Variants in ACAD9 observed in about 807,000 individuals in gnomAD.
ACAD9 encodes the protein complex I assembly factor ACAD9, mitochondrial.
Under a neutral mutation model 70.2 loss-of-function variants are expected in ACAD9, and 53 were observed. That is an observed-to-expected ratio of 0.75 (90% CI 0.61 to 0.95). The LOEUF (loss-of-function observed/expected upper bound fraction) is 0.95, where lower values mean the gene tolerates loss of function less well. Among genes scored for constraint, ACAD9 ranks in the 40% least tolerant of loss-of-function variants. ACAD9 has a pLI of 0.00. For missense variants in ACAD9, 777 were observed against 802.8 expected (o/e 0.97, Z 0.39); for synonymous variants, 313 against 312.1 (o/e 1.00, Z -0.03).
chr3:128,901,768 T>A (rs557498392), intron 8 of ACAD9, among the ~76,000 whole-genome samples: 1 of 152,358 alleles, frequency 6.6e-6, no homozygotes, highest in East Asian at 1.9e-4. Context: ...TTTTAAAATA[T>A]TATTTCAGTG....
Position 128,879,658 on chromosome 3 carries a change from A to G in ACAD9, c.-34A>G. On this transcript the variant is annotated 5_prime_UTR_variant, in exon 1 of 18. Transcript: ENST00000308982. Reference sequence around the variant, plus strand: ...GTGTCCCTGCGGCGCTAAGAAGGGGAGACTGAGGCTGAGGCTGGGGAACAT... The same window carrying G: ...GTGTCCCTGCGGCGCTAAGAAGGGGGGACTGAGGCTGAGGCTGGGGAACAT... 6.2e-7 allele frequency: 1 copy of G among 1,609,758 alleles called. No homozygotes were observed. Among genetic ancestry groups the G allele is most frequent in the Non-Finnish European group, 8.5e-7 (1 of 1,178,778 alleles).
At chr3:128,910,957 TG>T (rs1490453470) in intron 17 of ACAD9, 144 bp downstream of exon 17, 1 of 982,014 alleles carries the variant, frequency 1.0e-6, no homozygotes, top group African/African-American at 1.6e-5. Context: ...TGGGTAGGCC[TG>T]GGCTTAGCTG....
At chr3:128,888,480 G>A (rs1162159204) in intron 2 of ACAD9, among the ~76,000 whole-genome samples, 3 of 152,100 alleles carry the variant, frequency 2.0e-5, no homozygotes, top group African/African-American at 7.2e-5. Context: ...TGGGGAGGCC[G>A]AGGCAGGAGA....
intron 2 of ACAD9, among the ~76,000 whole-genome samples, chr3:128,890,880 C>T (rs1935401543): frequency 1.4e-5 from 2 of 146,492 alleles, no homozygotes; most frequent in East Asian, 2.0e-4. Flanking sequence ...CTCACTGTGT[C>T]ACCCAGGCTG....
chr3:128,891,475 G>A (rs1935419584), intron 2 of ACAD9, among the ~76,000 whole-genome samples: 1 of 152,186 alleles, frequency 6.6e-6, no homozygotes. Flanking sequence ...ACAAAAATTA[G>A]CCAGATATGG....
In ACAD9 at chr3:128,912,711, G is replaced by A; in HGVS notation, c.*104G>A. The stretch of plus-strand genomic sequence containing the variant: ...AGGTGTTGGGATTATCACAGGTTAA[G>A]CCTTTTGTTCCCCGTCTGCACCTGA... On this transcript the variant is annotated 3_prime_UTR_variant, in exon 18 of 18. Coordinates refer to ENST00000308982, the MANE Select transcript of ACAD9 (RefSeq NM_014049.5). 1 of 1,114,602 alleles carries A rather than the reference G, an allele frequency of 9.0e-7. No individual in the cohort carries two copies. Among genetic ancestry groups the A allele is most frequent in the Non-Finnish European group, 1.4e-6 (1 of 732,244 alleles). The allele number at this position is 1,114,602 out of a possible 1,614,324, so 69.0% of individuals were successfully genotyped here. A position where few individuals can be genotyped will look rare whatever the true frequency, so the allele number is the denominator to read the frequency against.
At position 128,884,640 on chromosome 3, in the gene ACAD9, T is replaced by C. The variant is rs1352832505; in HGVS notation, c.151-13T>C. The C allele has an allele frequency of 1.3e-6, 2 of 1,584,276 alleles. No individual in the cohort carries two copies. Among genetic ancestry groups the C allele is most frequent in the Non-Finnish European group, 1.7e-6 (2 of 1,156,418 alleles). ...AAAAATTAAATTTTTTAGAAAATAT[T>C]TACTATTTTTAGAAAGAAGTTTTCC... On this transcript the variant is annotated splice_polypyrimidine_tract_variant and intron_variant, in intron 1 of 17. Transcript: ENST00000308982.
In ACAD9 at chr3:128,908,987, C is replaced by T. The variant is rs780122392; in HGVS notation, c.1373C>T (p.Ala458Val). ...ACTTTCTGCAGTGAGCTTAAACAGGCCAAAGTGAGCACAGTCATGGATACC... is the reference window on the plus strand; with the variant it reads ...ACTTTCTGCAGTGAGCTTAAACAGGTCAAAGTGAGCACAGTCATGGATACC... Reference protein sequence around the residue: ...LTTRIHELKQAKVSTVMDTVG... With the variant: ...LTTRIHELKQVKVSTVMDTVG... Residue 458 changes from alanine (A) to valine (V), a missense_variant, in exon 14 of 18, where the codon GCC becomes GTC. Physicochemically the swap from Ala to Val is moderately conservative, Grantham distance 64 (BLOSUM62 0). Transcript: ENST00000308982. 6 of 1,614,126 alleles carry T rather than the reference C, an allele frequency of 3.7e-6. No individual in the cohort carries two copies. In the East Asian group the frequency reaches 6.7e-5, roughly 18 times the overall value.
intron 2 of ACAD9, among the ~76,000 whole-genome samples, chr3:128,890,975 G>A (rs1419116686): frequency 6.6e-6 from 1 of 151,488 alleles, no homozygotes; most frequent in Non-Finnish European, 1.5e-5. Context: ...CTGAGTAGCT[G>A]GGACTATAGG....
At chr3:128,899,226 A>G in intron 6 of ACAD9, 61 bp from the exon 7 acceptor site, 1 of 1,570,998 alleles carries the variant, frequency 6.4e-7, no homozygotes, top group Non-Finnish European at 8.8e-7. Flanking sequence ...GGACAAAGAC[A>G]GAGCTGAGGT....
intron 1 of ACAD9, among the ~76,000 whole-genome samples, 178 bp from the exon 2 acceptor site, chr3:128,884,475 C>T (rs1935187272): frequency 6.6e-6 from 1 of 152,170 alleles, no homozygotes; most frequent in African/African-American, 2.4e-5. Context: ...GTGGAGCCTG[C>T]ACATAGTTTC....
rs369787602 is a variant in ACAD9 at position 128,909,354 on chromosome 3, A to G, written c.1496A>G (p.Asn499Ser). The change falls in exon 15 of 18, where the codon AAC becomes AGC. Residue 499 changes from asparagine (N) to serine (S), a missense_variant. Asn to Ser is a conservative substitution (Grantham distance 46). Transcript: ENST00000308982. ...TGTCTTGGTTAATAGGACAGTGCCAACAAGTTTGAGGAGAACACCTACTGC... is the reference window on the plus strand; with the variant it reads ...TGTCTTGGTTAATAGGACAGTGCCAGCAAGTTTGAGGAGAACACCTACTGC... ...VVHPSLADSANKFEENTYCFG... is the reference protein window; with the variant it reads ...VVHPSLADSASKFEENTYCFG... The G allele has an allele frequency of 7.3e-5, 118 of 1,614,218 alleles. No individual in the cohort carries two copies. The highest frequency in any genetic ancestry group is 9.6e-5 in the Non-Finnish European group (113 of 1,180,044).
rs1935543685 is a variant in ACAD9 at position 128,895,417 on chromosome 3, G to A, written c.453+1G>A. On this transcript the variant is annotated splice_donor_variant, in intron 4 of 17. Transcript: ENST00000308982. LOFTEE classifies it high-confidence loss of function. ...AGCGCACCAGGCTATTGGCCTCAAG[G>A]TCAGGTATCTGGGGATTCTGTGTGG... 3.1e-6 allele frequency: 5 copies of A among 1,602,488 alleles called. No individual in the cohort carries two copies. Among genetic ancestry groups the A allele is most frequent in the African/African-American group, 2.7e-5 (2 of 74,522 alleles).
At chr3:128,885,765 C>T (rs1935226246) in intron 2 of ACAD9, among the ~76,000 whole-genome samples, 1 of 151,996 alleles carries the variant, frequency 6.6e-6, no homozygotes, top group Non-Finnish European at 1.5e-5. Context: ...GCCTGTAATC[C>T]CAGCACTTTG....
intron 3 of ACAD9, among the ~76,000 whole-genome samples, chr3:128,894,702 A>G (rs117512973): frequency 7.7e-4 from 117 of 151,198 alleles, no homozygotes; most frequent in East Asian, 6.0e-3. Flanking sequence ...TGCCTGGTGA[A>G]TTTTTTTTAT....
intron 4 of ACAD9, 107 bp downstream of exon 4, chr3:128,895,523 A>C (rs1576337893): frequency 4.8e-6 from 5 of 1,032,964 alleles, no homozygotes; most frequent in East Asian, 5.2e-5. Flanking sequence ...CTGATATCTG[A>C]CCTTCAGCCC....
rs182758396 is a variant in ACAD9 at position 128,895,617 on chromosome 3, G to A, written c.453+201G>A. 2.3e-4 allele frequency among the ~76,000 whole-genome samples: 35 copies of A among 152,252 alleles called. No individual in the cohort carries two copies. The East Asian group carries it at 5.6e-3, about 24-fold the overall frequency. On this transcript the variant is annotated intron_variant, in intron 4 of 17. Transcript: ENST00000308982. ...CCACATGCGCAGTGGCCTTTGGGTC[G>A]CATGTCCCTTCCTTCTGAATCCACC...
intron 6 of ACAD9, among the ~76,000 whole-genome samples, chr3:128,898,259 C>T (rs531002897): frequency 6.6e-6 from 1 of 152,226 alleles, no homozygotes; most frequent in African/African-American, 2.4e-5. Context: ...CTTATGGCCA[C>T]TGTGCCTCTT....
intron 11 of ACAD9, among the ~76,000 whole-genome samples, chr3:128,905,415 A>C (rs1935860456): frequency 6.6e-6 from 1 of 152,202 alleles, no homozygotes; most frequent in Non-Finnish European, 1.5e-5. Context: ...GCCCCCCACA[A>C]TTGTTTTTAA....
Sources: gnomAD v4.1 joint callset for allele counts (sites outside exome capture counted in the v4.1 genomes callset) on GRCh38, gnomAD v4.1.1 for gene constraint, MANE v1.5 for transcripts, NCBI Gene and HGNC (gene_info 2026-07-23, HGNC 2026-07-21) for gene names.